RARB: variants seen among roughly 807,000 people sequenced by gnomAD.
RARB encodes the protein HBV-activated protein.
A neutral mutation model predicts 51.9 loss-of-function variants in RARB; 17 were observed. That is an observed-to-expected ratio of 0.33 (90% CI 0.22 to 0.49). The LOEUF (loss-of-function observed/expected upper bound fraction) is 0.49, where lower values mean the gene tolerates loss of function less well. Among genes scored for constraint, RARB ranks in the 20% least tolerant of loss-of-function variants. The pLI is 0.99. For missense variants in RARB, 369 were observed against 550.8 expected (o/e 0.67, Z 3.30); for synonymous variants, 215 against 195.4 (o/e 1.10, Z -0.84).
intron 3 of RARB, among the ~76,000 whole-genome samples, chr3:25,548,886 AG>A (rs1699730651): frequency 6.6e-6 from 1 of 152,144 alleles, no homozygotes. Flanking sequence ...TTTTAGGGTG[AG>A]CCACAAGGTA....
intron 5 of RARB, chr3:25,324,724 T>C (rs1182894914): frequency 6.5e-6 from 1 of 153,178 alleles, no homozygotes; most frequent in African/African-American, 2.4e-5. Context: ...TGCTGCCCTA[T>C]TCCTAACAGA....
At chr3:25,279,998 C>T (rs167731) in intron 5 of RARB, among the ~76,000 whole-genome samples, 151,178 of 152,262 alleles carry the variant, frequency 0.99, 75,058 homozygotes, top group African/African-American at 1. Context: ...GCTAGATTTG[C>T]GGCTGAGGCT....
chr3:24,868,185 T>C (rs1702885182), intron 2 of RARB, among the ~76,000 whole-genome samples: 1 of 152,160 alleles, frequency 6.6e-6, no homozygotes, highest in African/African-American at 2.4e-5. Context: ...ATGTGTTACA[T>C]GTGGGTGTTA....
chr3:25,222,399 C>A (rs1389442453), intron 5 of RARB, among the ~76,000 whole-genome samples: 2 of 152,158 alleles, frequency 1.3e-5, no homozygotes, highest in South Asian at 4.1e-4. Flanking sequence ...GGGTACGTAA[C>A]TGAGTCACTT....
At chr3:25,001,472 C>G (rs1371452312) in intron 2 of RARB, among the ~76,000 whole-genome samples, 1 of 152,034 alleles carries the variant, frequency 6.6e-6, no homozygotes. Flanking sequence ...TGTCTTCTCT[C>G]CCTCAGACAG....
intron 5 of RARB, among the ~76,000 whole-genome samples, chr3:25,304,729 T>A (rs182153426): frequency 3.3e-5 from 5 of 152,298 alleles, no homozygotes; most frequent in Admixed American, 3.3e-4. Flanking sequence ...ACTCTTGTCC[T>A]TATAGACTGA....
At chr3:24,958,109 C>T (rs1696056752) in intron 2 of RARB, among the ~76,000 whole-genome samples, 1 of 152,022 alleles carries the variant, frequency 6.6e-6, no homozygotes, top group Non-Finnish European at 1.5e-5. Context: ...CAACACACTC[C>T]AGCAGGGCTC....
chr3:25,344,044 A>G (rs893951549), intron 5 of RARB, among the ~76,000 whole-genome samples: 1 of 152,218 alleles, frequency 6.6e-6, no homozygotes, highest in African/African-American at 2.4e-5. Flanking sequence ...TTATGTCGGC[A>G]GAAGTGTTAG....
chr3:24,927,209 C>G (rs1185664750), intron 2 of RARB, among the ~76,000 whole-genome samples: 1 of 151,918 alleles, frequency 6.6e-6, no homozygotes, highest in Non-Finnish European at 1.5e-5. Context: ...ATTTGCATTA[C>G]AAAATTAGAA....
chr3:25,189,075 A>C (rs1464593323), intron 5 of RARB, among the ~76,000 whole-genome samples: 1 of 152,148 alleles, frequency 6.6e-6, no homozygotes, highest in East Asian at 1.9e-4. Flanking sequence ...GCATGCAGAG[A>C]AGCACAAATG....
chr3:24,925,654 TTAAAAA>T (rs912882678), intron 2 of RARB, among the ~76,000 whole-genome samples: 9 of 126,152 alleles, frequency 7.1e-5, no homozygotes, highest in African/African-American at 2.9e-4. Context: ...TTTTTTTTTT[TTAAAAA>T]AAAAAAAAAA....
chr3:25,075,972 C>T (rs1299210857), intron 3 of RARB, among the ~76,000 whole-genome samples: 1 of 152,170 alleles, frequency 6.6e-6, no homozygotes, highest in Non-Finnish European at 1.5e-5. Context: ...AACCCACAGT[C>T]AGCCTCTGGT....
intron 5 of RARB, among the ~76,000 whole-genome samples, chr3:25,259,645 T>C (rs924434801): frequency 6.6e-6 from 1 of 152,220 alleles, no homozygotes; most frequent in African/African-American, 2.4e-5. Flanking sequence ...GTTTCGGGTT[T>C]ATCCGTTACA....
At chr3:24,858,843 C>G (rs910879648) in intron 2 of RARB, 1 of 151,928 alleles carries the variant, frequency 6.6e-6, no homozygotes, top group African/African-American at 2.4e-5. Context: ...TCGAGACCAG[C>G]CTGGCCAACA....
intron 3 of RARB, among the ~76,000 whole-genome samples, chr3:25,074,367 T>G (rs1443634075): frequency 2.6e-5 from 4 of 152,156 alleles, no homozygotes; most frequent in Non-Finnish European, 4.4e-5. Context: ...AGGAGTGTGT[T>G]TATTTTATCC....
At chr3:25,372,816 A>G (rs1469893324) in intron 5 of RARB, among the ~76,000 whole-genome samples, 1 of 152,154 alleles carries the variant, frequency 6.6e-6, no homozygotes, top group African/African-American at 2.4e-5. Flanking sequence ...ACAGAGGAAG[A>G]CTCTATCTCC....
chr3:24,910,777 G>A (rs914791579), intron 2 of RARB, among the ~76,000 whole-genome samples: 1 of 152,126 alleles, frequency 6.6e-6, no homozygotes, highest in African/African-American at 2.4e-5. Flanking sequence ...AGAATTATGA[G>A]GGAGGATTTT....
intron 2 of RARB, among the ~76,000 whole-genome samples, chr3:24,906,174 A>C (rs907347238): frequency 6.6e-6 from 1 of 152,154 alleles, no homozygotes; most frequent in African/African-American, 2.4e-5. Flanking sequence ...TCGTGGCCAC[A>C]TTTTGGTTTT....
At chr3:25,453,864 C>G (rs1006566760) in intron 1 of RARB, among the ~76,000 whole-genome samples, 1 of 152,184 alleles carries the variant, frequency 6.6e-6, no homozygotes, top group Non-Finnish European at 1.5e-5. Context: ...TCCTCCCTCT[C>G]TAGCCACCCC....
Sources: allele counts gnomAD v4.1 joint callset (sites outside exome capture counted in the v4.1 genomes callset), GRCh38; gene constraint gnomAD v4.1.1; transcripts MANE v1.5; gene names NCBI Gene and HGNC (gene_info 2026-07-23, HGNC 2026-07-21).